UTP14A: variants seen among roughly 807,000 people sequenced by gnomAD.
UTP14A encodes UTP14A small subunit processome component.
In UTP14A, 5 loss-of-function variants were observed where a neutral mutation model predicts 57.2. The ratio of observed to expected loss-of-function variants is 0.09; its 90% confidence interval spans 0.05 to 0.18. The LOEUF (loss-of-function observed/expected upper bound fraction) is 0.18. Among genes scored for constraint, UTP14A ranks in the 10% least tolerant of loss-of-function variants. The pLI is 1.00. For synonymous variants in UTP14A, 169 were observed against 210.9 expected, an observed-to-expected ratio of 0.80 and a Z score of 1.72; for missense variants, 430 against 562.1, an observed-to-expected ratio of 0.76 and a Z score of 2.38.
At chrX:129,915,411 G>C (rs1735863257) in intron 6 of UTP14A, among the ~76,000 whole-genome samples, 1 of 107,355 alleles carries the variant, frequency 9.3e-6, no homozygotes, top group South Asian at 4.1e-4. Context: ...TATAGTCCCA[G>C]CTACTTGGGA....
intron 5 of UTP14A, among the ~76,000 whole-genome samples, chrX:129,911,357 C>T (rs1310704330): frequency 3.6e-5 from 4 of 110,117 alleles, no homozygotes; most frequent in African/African-American, 6.6e-5. Flanking sequence ...CTGAGGTAGG[C>T]GGATCACCTG....
chrX:129,911,087 A>G lies in UTP14A; in HGVS notation c.318A>G (p.Gln106=). The G allele has an allele frequency of 8.3e-7, 1 of 1,211,966 alleles. No individual in the cohort carries two copies. Among genetic ancestry groups the G allele is most frequent in the Non-Finnish European group, 1.1e-6 (1 of 895,562 alleles). Residue 106 remains glutamine, a synonymous_variant, in exon 5 of 15, where the codon CAA becomes CAG. Coordinates refer to ENST00000394422, the MANE Select transcript of UTP14A (RefSeq NM_006649.4). ...CTTCTTTGGCCACTGTGAAAAAGCA[A>G]CTGAGTAGAGTCAAATCAAAGAAGA... is the stretch of plus-strand genomic sequence containing the variant. The part of the protein sequence containing the change: ...TSSSLATVKK[Q]LSRVKSKKTV...
intron 8 of UTP14A, 136 bp from the exon 9 acceptor site, chrX:129,920,321 C>T: frequency 1.1e-6 from 1 of 889,128 alleles, no homozygotes; most frequent in Non-Finnish European, 1.6e-6. Context: ...CCCAAACTGA[C>T]TCCCTATAGC....
chrX:129,928,769 AAT>A (rs926546814), intron 14 of UTP14A, among the ~76,000 whole-genome samples: 8 of 111,159 alleles, frequency 7.2e-5, no homozygotes, highest in South Asian at 3.8e-4. Context: ...ACAAAAAAAA[AAT>A]ATCAATCCTA....
At chrX:129,928,631 G>A (rs1203400880) in intron 14 of UTP14A, among the ~76,000 whole-genome samples, 3 of 109,784 alleles carry the variant, frequency 2.7e-5, no homozygotes, top group African/African-American at 3.3e-5. Context: ...GTGGGCACCT[G>A]TAGTCCCAGC....
intron 1 of UTP14A, 37 bp downstream of exon 1, chrX:129,906,273 C>T (rs376451503): frequency 7.6e-5 from 89 of 1,177,960 alleles, no homozygotes; most frequent in Non-Finnish European, 9.6e-5. Flanking sequence ...TTCTGGGTCT[C>T]GTTGGGGGCC....
chrX:129,908,524 C>A, intron 3 of UTP14A, 146 bp from the exon 4 acceptor site: 1 of 566,780 alleles, frequency 1.8e-6, no homozygotes. Flanking sequence ...AGGAACAGAT[C>A]TCCTTGCTGC....
Position 129,920,441 on chromosome X carries a change from C to G in UTP14A, c.753-16C>G, listed in dbSNP as rs199989828. On this transcript the variant is annotated splice_polypyrimidine_tract_variant and intron_variant, in intron 8 of 14. Coordinates refer to ENST00000394422, the MANE Select transcript of UTP14A (RefSeq NM_006649.4). Reference sequence around the variant, plus strand: ...CTTCAGCTAAATTGCTAAACTCTTCCCTCCTACCCCTACAGGTATCACAAA... The same window carrying G: ...CTTCAGCTAAATTGCTAAACTCTTCGCTCCTACCCCTACAGGTATCACAAA... 1 of 1,210,278 alleles carries G rather than the reference C, an allele frequency of 8.3e-7. No homozygotes were observed. The highest frequency in any genetic ancestry group is 1.1e-6 in the Non-Finnish European group (1 of 895,272).
At chrX:129,927,844 C>T (rs1485344660) in intron 14 of UTP14A, among the ~76,000 whole-genome samples, 2 of 111,673 alleles carry the variant, frequency 1.8e-5, no homozygotes, top group African/African-American at 6.5e-5. Context: ...TTTCTGCTTA[C>T]GTGTTTTCCT....
At chrX:129,910,972 T>A (rs774150210) in intron 4 of UTP14A, 36 bp from the exon 5 acceptor site, 8 of 1,203,883 alleles carry the variant, frequency 6.6e-6, no homozygotes, top group Non-Finnish European at 9.0e-6. Context: ...CTTGTCTCAC[T>A]TCTTGGTCTG....
At chrX:129,919,029 G>C (rs1307770368) in intron 6 of UTP14A, 146 bp from the exon 7 acceptor site, 8 of 869,804 alleles carry the variant, frequency 9.2e-6, no homozygotes, top group Non-Finnish European at 1.1e-5. Flanking sequence ...AACAAGACTG[G>C]AACCCCCTTC....
chrX:129,919,147 A>T, intron 6 of UTP14A, 28 bp from the exon 7 acceptor site: 1 of 1,211,400 alleles, frequency 8.3e-7, no homozygotes, highest in South Asian at 1.8e-5. Context: ...ATGGCTTAAG[A>T]CTCAGAATGT....
intron 1 of UTP14A, 109 bp from the exon 2 acceptor site, chrX:129,907,231 TTAATAGATTAGACATTGCTTCAAATAA>T (rs1349561961): frequency 4.1e-6 from 2 of 481,975 alleles, no homozygotes; most frequent in Non-Finnish European, 6.7e-6. Context: ...CGAGATTGTT[TTAATAGATTAGACATTGCTTCAAATAA>T]TAATATTTCT....
At chrX:129,928,031 A>T (rs1275673679) in intron 14 of UTP14A, among the ~76,000 whole-genome samples, 1 of 110,261 alleles carries the variant, frequency 9.1e-6, no homozygotes, top group Admixed American at 9.8e-5. Flanking sequence ...AAGGGAGATG[A>T]CCATTGTCAA....
chrX:129,920,959 A>C (rs1000765385), intron 10 of UTP14A: 13 of 753,885 alleles, frequency 1.7e-5, no homozygotes, highest in Non-Finnish European at 1.9e-5. Context: ...CCAAAGGGGG[A>C]GAGGAGCTTT....
At position 129,925,112 on chromosome X, in the gene UTP14A, G is replaced by A. The variant is rs766685919; in HGVS notation, c.1666G>A (p.Glu556Lys). ...TGCCCCTAAGGAGAAGAAAAAGAAG[G>A]AGCAAATGATCGACCTACAGAACCT... The part of the protein sequence containing the change: ...PDAPKEKKKK[E>K]QMIDLQNLLT... Residue 556 changes from glutamate (E) to lysine (K), a missense_variant, in exon 12 of 15, where the codon GAG becomes AAG. Physicochemically the swap from Glu to Lys is moderately conservative, Grantham distance 56. This residue lies in a region of UTP14A where 120 missense variants were observed against 116.8 expected (regional missense o/e 1.03). Coordinates refer to ENST00000394422, the MANE Select transcript of UTP14A (RefSeq NM_006649.4). 1 of 1,209,808 alleles carries A rather than the reference G, an allele frequency of 8.3e-7. No individual in the cohort carries two copies. The highest frequency in any genetic ancestry group is 2.2e-5 in the Admixed American group (1 of 45,661).
At chrX:129,922,674 C>T (rs1303656510) in intron 11 of UTP14A, 3 of 110,117 alleles carry the variant, frequency 2.7e-5, no homozygotes, top group Admixed American at 9.8e-5. Context: ...ACCTCAGCCT[C>T]CCAAAGTGTT....
chrX:129,919,033 C>T, intron 6 of UTP14A, 142 bp from the exon 7 acceptor site: 5 of 880,642 alleles, frequency 5.7e-6, no homozygotes, highest in Non-Finnish European at 6.4e-6. Flanking sequence ...AGACTGGAAC[C>T]CCCTTCTCTT....
chrX:129,928,384 CAAAAAAAAAAAAA>C (rs1183151025), intron 14 of UTP14A, among the ~76,000 whole-genome samples: 3 of 8,763 alleles, frequency 3.4e-4, no homozygotes, highest in Non-Finnish European at 6.5e-4. Context: ...GACTCCATCT[CAAAAAAAAAAAAA>C]AAAAAAAAAA....
Sources: gnomAD v4.1 joint callset for allele counts (sites outside exome capture counted in the v4.1 genomes callset) on GRCh38, gnomAD v4.1.1 for gene constraint, gnomAD v4.1.1 regional missense constraint, MANE v1.5 for transcripts, NCBI Gene and HGNC (gene_info 2026-07-23, HGNC 2026-07-21) for gene names.